DCLK2: variants seen among roughly 807,000 people sequenced by gnomAD.
DCLK2 encodes doublecortin like kinase 2.
DCLK2 carries 31 observed loss-of-function variants against 78.4 expected under a neutral mutation model. That is an observed-to-expected ratio of 0.40 (90% CI 0.30 to 0.53). The LOEUF is 0.53. Ranked by LOEUF, DCLK2 falls within the 20% of genes least tolerant of loss-of-function variation. The pLI is 0.61. For missense variants in DCLK2, 872 were observed against 973.7 expected (o/e 0.90, Z 1.39); for synonymous variants, 407 against 374.9 (o/e 1.09, Z -0.99).
intron 10 of DCLK2, 31 bp from the exon 11 acceptor site, chr4:150,239,711 T>A: frequency 6.3e-7 from 1 of 1,578,678 alleles, no homozygotes; most frequent in Non-Finnish European, 8.7e-7. Flanking sequence ...GAAAAAAAAA[T>A]CTTCTGATTG....
chr4:150,218,832 G>A (rs1740946806), intron 5 of DCLK2, among the ~76,000 whole-genome samples: 1 of 152,220 alleles, frequency 6.6e-6, no homozygotes, highest in African/African-American at 2.4e-5. Context: ...GGGGCAGGCA[G>A]TGATTAGCAG....
intron 2 of DCLK2, among the ~76,000 whole-genome samples, chr4:150,133,240 A>T (rs1157993604): frequency 6.6e-6 from 1 of 152,240 alleles, no homozygotes; most frequent in African/African-American, 2.4e-5. Flanking sequence ...ACACGTGTTT[A>T]CCATATGAGA....
At chr4:150,221,619 A>G (rs1741196026) in intron 6 of DCLK2, 58 bp from the exon 7 acceptor site, 2 of 1,069,250 alleles carry the variant, frequency 1.9e-6, no homozygotes, top group South Asian at 1.7e-5. Flanking sequence ...ACAAATATGT[A>G]GGAATCTGTA....
At chr4:150,238,661 C>G (rs1348294003) in intron 10 of DCLK2, among the ~76,000 whole-genome samples, 1 of 152,006 alleles carries the variant, frequency 6.6e-6, no homozygotes, top group Non-Finnish European at 1.5e-5. Flanking sequence ...CATCTGATTA[C>G]CCACAAGGAA....
At chr4:150,159,037 G>A (rs1735520074) in intron 2 of DCLK2, among the ~76,000 whole-genome samples, 1 of 152,168 alleles carries the variant, frequency 6.6e-6, no homozygotes, top group South Asian at 2.1e-4. Flanking sequence ...TCTGAAGGAT[G>A]TTGAATACGA....
intron 2 of DCLK2, among the ~76,000 whole-genome samples, chr4:150,129,340 T>A (rs1408827405): frequency 6.6e-6 from 1 of 152,154 alleles, no homozygotes; most frequent in East Asian, 1.9e-4. Context: ...ATAAGTGACA[T>A]ACAGTTTATT....
chr4:150,198,083 G>A lies in DCLK2; in HGVS notation c.941G>A (p.Arg314His), dbSNP rs756136401. ...SGSKSPGPSR[R>H]SKSPASVNGT... is the part of the protein sequence containing the mutation. ...TCCAAAAGCCCTGGGCCCTCTCGAC[G>A]CAGCAAATCACCAGCTTCAGGTAGT... The change falls in exon 4 of 16, where the codon CGC becomes CAC. Residue 314 changes from arginine (R) to histidine (H), a missense_variant. Arg to His is a conservative substitution (Grantham distance 29). Transcript: ENST00000296550. The A allele has an allele frequency of 1.1e-5, 17 of 1,613,342 alleles. No individual in the cohort carries two copies. In the East Asian group the frequency reaches 1.3e-4, roughly 13 times the overall value.
chr4:150,239,614 CACAAGG>C, intron 10 of DCLK2, 122 bp from the exon 11 acceptor site: 1 of 1,276,762 alleles, frequency 7.8e-7, no homozygotes, highest in Non-Finnish European at 1.1e-6. Flanking sequence ...AAAAAAAAAT[CACAAGG>C]AGAGATTTCA....
chr4:150,198,913 C>CCG, intron 4 of DCLK2: 2 of 561,408 alleles, frequency 3.6e-6, no homozygotes, highest in Non-Finnish European at 6.2e-6. Flanking sequence ...TTTCAGCACC[C>CCG]CCCCCCCCAC....
intron 5 of DCLK2, among the ~76,000 whole-genome samples, chr4:150,207,857 G>C (rs1388179744): frequency 6.6e-6 from 1 of 152,278 alleles, no homozygotes; most frequent in South Asian, 2.1e-4. Flanking sequence ...TTCAAAGAGT[G>C]GGGGTGGTCC....
At chr4:150,193,401 C>T (rs1296729905) in intron 3 of DCLK2, among the ~76,000 whole-genome samples, 161 bp downstream of exon 3, 1 of 152,068 alleles carries the variant, frequency 6.6e-6, no homozygotes, top group East Asian at 1.9e-4. Context: ...TAAAGAATAA[C>T]ATGAAAGCAT....
At chr4:150,244,746 G>T (rs1327348282) in intron 12 of DCLK2, among the ~76,000 whole-genome samples, 1 of 152,190 alleles carries the variant, frequency 6.6e-6, no homozygotes, top group Admixed American at 6.5e-5. Context: ...TCTAGTGCGG[G>T]GCAGGCCCCA....
At chr4:150,230,602 A>G (rs1384433044) in intron 8 of DCLK2, among the ~76,000 whole-genome samples, 1 of 152,228 alleles carries the variant, frequency 6.6e-6, no homozygotes, top group East Asian at 1.9e-4. Context: ...TGTTCACAAA[A>G]GTGTATCTAA....
intron 2 of DCLK2, among the ~76,000 whole-genome samples, chr4:150,130,483 G>A (rs1197459553): frequency 6.6e-6 from 1 of 152,082 alleles, no homozygotes; most frequent in Non-Finnish European, 1.5e-5. Flanking sequence ...ACGTACAGCA[G>A]TAGCAGCAGC....
intron 8 of DCLK2, among the ~76,000 whole-genome samples, chr4:150,232,094 G>A (rs529110861): frequency 6.6e-6 from 1 of 152,292 alleles, no homozygotes; most frequent in South Asian, 2.1e-4. Flanking sequence ...CACCACAGAA[G>A]CACCATGGAG....
chr4:150,202,466 T>C (rs1739529948), intron 4 of DCLK2, among the ~76,000 whole-genome samples: 1 of 152,196 alleles, frequency 6.6e-6, no homozygotes, highest in Non-Finnish European at 1.5e-5. Context: ...AAATGAGCAA[T>C]ACAATAAATA....
chr4:150,141,863 G>A (rs971793376), intron 2 of DCLK2, among the ~76,000 whole-genome samples: 5 of 152,152 alleles, frequency 3.3e-5, no homozygotes, highest in East Asian at 3.8e-4. Context: ...TGAGAGTAGC[G>A]TGATTTAATA....
chr4:150,171,356 C>T (rs191379431), intron 2 of DCLK2, among the ~76,000 whole-genome samples: 40 of 152,298 alleles, frequency 2.6e-4, no homozygotes, highest in African/African-American at 9.1e-4. Context: ...TAGTGGAAAC[C>T]TGTAGTGCCA....
chr4:150,222,965 TAG>T (rs1741313640), intron 7 of DCLK2, among the ~76,000 whole-genome samples: 1 of 152,176 alleles, frequency 6.6e-6, no homozygotes, highest in East Asian at 1.9e-4. Context: ...TGGTTCAGAT[TAG>T]AGTCTTGGTG....
Sources: allele counts gnomAD v4.1 joint callset (sites outside exome capture counted in the v4.1 genomes callset), GRCh38; gene constraint gnomAD v4.1.1; transcripts MANE v1.5; gene names NCBI Gene and HGNC (gene_info 2026-07-23, HGNC 2026-07-21).